PTGES3: variants seen among roughly 807,000 people sequenced by gnomAD.
The protein encoded by PTGES3 is prostaglandin E synthase 3.
A neutral mutation model predicts 29.9 loss-of-function variants in PTGES3; 5 were observed. That is an observed-to-expected ratio of 0.17 (90% CI 0.09 to 0.35). PTGES3 has a LOEUF of 0.35. PTGES3 is among the 10% of genes least tolerant of loss of function. PTGES3 has a pLI of 1.00. For synonymous variants in PTGES3, 49 were observed against 57.8 expected, an observed-to-expected ratio of 0.85 and a Z score of 0.69; for missense variants, 128 against 190.0, an observed-to-expected ratio of 0.67 and a Z score of 1.92.
intron 5 of PTGES3, among the ~76,000 whole-genome samples, chr12:56,667,985 G>A (rs1951851546): frequency 1.3e-5 from 2 of 152,198 alleles, no homozygotes; most frequent in African/African-American, 2.4e-5. Context: ...GTGGGCACCC[G>A]TAATCCCAGC....
chr12:56,673,069 C>A lies in PTGES3; in HGVS notation c.3-4G>T, dbSNP rs1235793929. 1 of 1,587,094 alleles carries A rather than the reference C, an allele frequency of 6.3e-7. No individual in the cohort carries two copies. The highest frequency in any genetic ancestry group is 1.9e-5 in the Admixed American group (1 of 53,308). On this transcript the variant is annotated splice_polypyrimidine_tract_variant and splice_region_variant and intron_variant, in intron 1 of 7. Transcript: ENST00000262033. Reference sequence around the variant, plus strand: ...CCACTTTGCAGAAGCAGGCTGCCTACAAAAGGATAAAGTAGGGAAAGTCAA... The same window carrying A: ...CCACTTTGCAGAAGCAGGCTGCCTAAAAAAGGATAAAGTAGGGAAAGTCAA...
intron 1 of PTGES3, among the ~76,000 whole-genome samples, chr12:56,685,665 G>A (rs910391905): frequency 2.1e-4 from 32 of 150,726 alleles, no homozygotes; most frequent in South Asian, 1.3e-3. Flanking sequence ...CTCCCAAAGT[G>A]CTGGGATTAC....
chr12:56,676,232 C>CAA lies in PTGES3; in HGVS notation c.3-3169_3-3168dup, dbSNP rs60053201. 2.3e-3 allele frequency among the ~76,000 whole-genome samples: 299 copies of CAA among 129,900 alleles called. 1 individual carries two copies. The highest frequency in any genetic ancestry group is 4.4e-3 in the African/African-American group (152 of 34,648). 85.2% of individuals were successfully genotyped at this position (129,900 alleles called of 152,430 possible). On this transcript the variant is annotated intron_variant, in intron 1 of 7. Coordinates refer to ENST00000262033, the MANE Select transcript of PTGES3 (RefSeq NM_006601.7). ...CAGAGAGAGGCTGTGTCTCCCCCCC[C>CAA]AAAAAAAAAAAAAAAGCCAAAATAG...
Position 56,685,731 on chromosome 12 carries a change from A to G in PTGES3, c.2+2267T>C, listed in dbSNP as rs11171935. Among the ~76,000 whole-genome samples the G allele has an allele frequency of 7.8e-4, 108 of 138,428 alleles. No homozygotes were observed. The East Asian group carries it at 0.022, about 28-fold the overall frequency. 90.8% of individuals were successfully genotyped at this position (138,428 alleles called of 152,430 possible). A position where few individuals can be genotyped will look rare whatever the true frequency, so the allele number is the denominator to read the frequency against. ...TAGCATTTTTATTTTTTAACTAGAG[A>G]GGCTACTTTTTGGAATAGTCTCTCT... On this transcript the variant is annotated intron_variant, in intron 1 of 7. Transcript: ENST00000262033.
At chr12:56,687,282 G>C (rs889872513) in intron 1 of PTGES3, 1 of 995,554 alleles carries the variant, frequency 1.0e-6, no homozygotes, top group Non-Finnish European at 1.2e-6. Context: ...GAAAATGTCC[G>C]TATCTTTCCA....
intron 1 of PTGES3, among the ~76,000 whole-genome samples, chr12:56,679,408 C>CCA (rs1555220497): frequency 3.1e-5 from 2 of 65,104 alleles, no homozygotes; most frequent in African/African-American, 5.8e-5. Flanking sequence ...GACTCTGCCT[C>CCA]AAAAAAAAAA....
At chr12:56,664,843 G>T in intron 6 of PTGES3, 43 bp from the exon 7 acceptor site, 1 of 1,590,520 alleles carries the variant, frequency 6.3e-7, no homozygotes, top group Non-Finnish European at 8.6e-7. Flanking sequence ...TCAAATATTC[G>T]TTTGCTAACT....
intron 1 of PTGES3, among the ~76,000 whole-genome samples, chr12:56,685,512 T>C (rs1055895401): frequency 6.6e-6 from 1 of 151,708 alleles, no homozygotes; most frequent in Non-Finnish European, 1.5e-5. Context: ...GCCATTCTCT[T>C]GCCTTAGCCT....
At chr12:56,665,311 G>T (rs1174635217) in intron 6 of PTGES3, 3 of 969,030 alleles carry the variant, frequency 3.1e-6, no homozygotes, top group Non-Finnish European at 3.7e-6. Flanking sequence ...TTTTGGGTGG[G>T]GGGAGATGGA....
At chr12:56,683,743 A>G (rs1161839332) in intron 1 of PTGES3, among the ~76,000 whole-genome samples, 1 of 151,694 alleles carries the variant, frequency 6.6e-6, no homozygotes, top group Non-Finnish European at 1.5e-5. Flanking sequence ...GCGGATCACG[A>G]GATCAGGAGA....
At chr12:56,671,946 ATT>A (rs1483391250) in intron 3 of PTGES3, 99 bp from the exon 4 acceptor site, 1 of 661,298 alleles carries the variant, frequency 1.5e-6, no homozygotes, top group Non-Finnish European at 2.3e-6. Context: ...CTTTACCTAA[ATT>A]TTCTCTGGAC....
At chr12:56,687,649 G>A (rs1424352379) in intron 1 of PTGES3, 1 of 1,194,354 alleles carries the variant, frequency 8.4e-7, no homozygotes, top group Non-Finnish European at 1.0e-6. Flanking sequence ...GGCGACCCAC[G>A]AAGGTTCACG....
At position 56,671,774 on chromosome 12, in the gene PTGES3, G is replaced by C; in HGVS notation, c.260C>G (p.Pro87Arg). ...CTTTGCCCTTTCTTTTGTTAACCTT[G>C]GCCATGACTGGCCAGATTCTCCTTT... ...LRKGESGQSWPRLTKERAKLN... is the reference protein window; with the variant it reads ...LRKGESGQSWRRLTKERAKLN... The change falls in exon 4 of 8, where the codon CCA becomes CGA. Residue 87 changes from proline to arginine, a missense_variant. By Grantham distance (103) the Pro-to-Arg change is moderately radical. Coordinates refer to ENST00000262033, the MANE Select transcript of PTGES3 (RefSeq NM_006601.7). The C allele has an allele frequency of 6.4e-7, 1 of 1,565,744 alleles. No individual in the cohort carries two copies. Among genetic ancestry groups the C allele is most frequent in the Non-Finnish European group, 8.7e-7 (1 of 1,154,924 alleles).
At chr12:56,670,218 T>C in intron 5 of PTGES3, 57 bp downstream of exon 5, 1 of 1,175,186 alleles carries the variant, frequency 8.5e-7, no homozygotes, top group Non-Finnish European at 1.3e-6. Context: ...TTAAATTGAC[T>C]ACATAGACAG....
At chr12:56,682,389 C>A (rs902177387) in intron 1 of PTGES3, among the ~76,000 whole-genome samples, 8 of 151,986 alleles carry the variant, frequency 5.3e-5, no homozygotes, top group African/African-American at 1.7e-4. Context: ...CATTGTGAGA[C>A]CCCCGTCTCT....
At chr12:56,678,361 G>A (rs1239754733) in intron 1 of PTGES3, among the ~76,000 whole-genome samples, 2 of 151,986 alleles carry the variant, frequency 1.3e-5, no homozygotes, top group South Asian at 4.1e-4. Flanking sequence ...TTTTTTAGTA[G>A]AGGCAGGTTT....
intron 4 of PTGES3, chr12:56,670,861 G>T (rs1951974483): frequency 6.5e-6 from 1 of 153,820 alleles, no homozygotes; most frequent in Admixed American, 6.4e-5. Context: ...AACACTTTGG[G>T]TGGCCAAGGT....
chr12:56,676,314 G>T (rs761361623), intron 1 of PTGES3, among the ~76,000 whole-genome samples: 1 of 151,304 alleles, frequency 6.6e-6, no homozygotes, highest in African/African-American at 2.4e-5. Context: ...CACAAAAAGG[G>T]ACAATAATTT....
chr12:56,676,145 G>GGGAGGT (rs1203507147), intron 1 of PTGES3, among the ~76,000 whole-genome samples: 137 of 138,376 alleles, frequency 9.9e-4, no homozygotes, highest in East Asian at 4.4e-3. Flanking sequence ...GAGGGGGAGG[G>GGGAGGT]GGAGGTGGAG....
Sources: gnomAD v4.1 joint callset for allele counts (sites outside exome capture counted in the v4.1 genomes callset) on GRCh38, gnomAD v4.1.1 for gene constraint, MANE v1.5 for transcripts, NCBI Gene and HGNC (gene_info 2026-07-23, HGNC 2026-07-21) for gene names.